The following ZDHHC21 variants were observed in gnomAD, a reference collection of about 807,000 sequenced individuals.
The protein encoded by ZDHHC21 is zDHHC palmitoyltransferase 21.
Under a neutral mutation model 34.6 loss-of-function variants are expected in ZDHHC21, and 15 were observed. The observed-to-expected ratio is 0.43, with a 90% confidence interval of 0.29 to 0.67. The LOEUF (loss-of-function observed/expected upper bound fraction) is 0.67, where lower values mean the gene tolerates loss of function less well. ZDHHC21 is among the 30% of genes least tolerant of loss of function. ZDHHC21 has a pLI of 0.14. For missense variants in ZDHHC21, 344 were observed against 327.7 expected, an observed-to-expected ratio of 1.05 and a Z score of -0.38; for synonymous variants, 142 against 101.8, an observed-to-expected ratio of 1.40 and a Z score of -2.38.
chr9:14,671,210 C>T (rs11793517), intron 5 of ZDHHC21, among the ~76,000 whole-genome samples: 5,108 of 151,998 alleles, frequency 0.034, 125 homozygotes, highest in Non-Finnish European at 0.047. Flanking sequence ...GCTGTGAATG[C>T]TTGAATGAAT....
At chr9:14,627,766 C>T (rs1826550199) in intron 8 of ZDHHC21, among the ~76,000 whole-genome samples, 1 of 152,136 alleles carries the variant, frequency 6.6e-6, no homozygotes, top group Non-Finnish European at 1.5e-5. Context: ...CTCTCCAAGC[C>T]CAGTGACTGA....
chr9:14,607,456 T>C, downstream of ZDHHC21, among the ~76,000 whole-genome samples: 1 of 151,972 alleles, frequency 6.6e-6, no homozygotes, highest in East Asian at 1.9e-4. Flanking sequence ...CATTATATGA[T>C]AGGAATATCA....
chr9:14,605,560 TGTA>T, the ZDHHC21 span, among the ~76,000 whole-genome samples: 17,520 of 152,152 alleles, frequency 0.12, 1,062 homozygotes, highest in Non-Finnish European at 0.14. Context: ...TCTATTAAGT[TGTA>T]GGAGCTCGTT....
Position 14,672,882 on chromosome 9 carries a change from G to A in ZDHHC21, c.201C>T (p.Ala67=), listed in dbSNP as rs550889828. Residue 67 remains alanine (A), a synonymous_variant, in exon 5 of 10, where the codon GCC becomes GCT. Transcript: ENST00000380916. ...SIFCLVALVR[A]SITDPGRLPE... ...GGAGTCTTCCTGGATCAGTTATGGA[G>A]GCCCTCACTAAGGCAACCAGACAGA... 1.8e-4 allele frequency: 288 copies of A among 1,608,160 alleles called. 4 individuals carry two copies. The South Asian group carries it at 3.1e-3, about 17-fold the overall frequency.
intron 7 of ZDHHC21, among the ~76,000 whole-genome samples, chr9:14,644,819 T>C (rs920441993): frequency 2.5e-4 from 35 of 142,740 alleles, no homozygotes; most frequent in African/African-American, 8.5e-4. Flanking sequence ...TACATATGTA[T>C]ACACACACAC....
At chr9:14,601,810 G>C in the ZDHHC21 span, among the ~76,000 whole-genome samples, 3 of 152,292 alleles carry the variant, frequency 2.0e-5, no homozygotes, top group South Asian at 6.2e-4. Flanking sequence ...GGAATACTAT[G>C]CAGCCATTAA....
chr9:14,629,950 G>A (rs1370483903), intron 8 of ZDHHC21, among the ~76,000 whole-genome samples: 2 of 152,160 alleles, frequency 1.3e-5, no homozygotes, highest in Admixed American at 1.3e-4. Context: ...GGAGGCTGAG[G>A]CAGGAGAATC....
chr9:14,679,939 C>A (rs1390503851), intron 3 of ZDHHC21, 94 bp downstream of exon 3: 1 of 152,442 alleles, frequency 6.6e-6, no homozygotes, highest in Non-Finnish European at 1.5e-5. Flanking sequence ...CATTTGCTAA[C>A]TGACAATTAA....
At chr9:14,681,745 G>C (rs1352521982) in intron 2 of ZDHHC21, among the ~76,000 whole-genome samples, 1 of 151,688 alleles carries the variant, frequency 6.6e-6, no homozygotes, top group African/African-American at 2.4e-5. Flanking sequence ...GTGTGTGTGT[G>C]TGTGTGTGTG....
the ZDHHC21 span, among the ~76,000 whole-genome samples, chr9:14,598,590 T>C: frequency 6.6e-6 from 1 of 151,668 alleles, no homozygotes. Context: ...TGATTCTCCA[T>C]CAAAAGATTC....
At position 14,617,896 on chromosome 9, in the gene ZDHHC21, G is replaced by T. The variant is rs536558445; in HGVS notation, c.*1070C>A. On this transcript the variant is annotated 3_prime_UTR_variant, in exon 10 of 10. Transcript: ENST00000380916. ...GGGATTATAGGTACACAAAGTTAGT[G>T]ACTTTTTTTAGTAGTAGCTTCCTAT... The T allele has an allele frequency of 2.0e-5, 3 of 151,986 alleles. No individual in the cohort carries two copies. Among genetic ancestry groups the T allele is most frequent in the African/African-American group, 4.8e-5 (2 of 41,516 alleles). 9.4% of individuals were successfully genotyped at this position (151,986 alleles called of 1,614,324 possible). A position where few individuals can be genotyped will look rare whatever the true frequency, so the allele number is the denominator to read the frequency against.
rs569679010 is a variant in ZDHHC21, at chr9:14,620,827, C to T, written c.622-1145G>A. Among the ~76,000 whole-genome samples, 6 of 152,140 alleles carry T rather than the reference C, an allele frequency of 3.9e-5. No homozygotes were observed. In the East Asian group the frequency reaches 9.6e-4, roughly 24 times the overall value. ...AACCAACAACATAGTTTCATTTACACATTTTCCAGGAATTTTTAAAAAGTT... is the reference window on the plus strand; with the variant it reads ...AACCAACAACATAGTTTCATTTACATATTTTCCAGGAATTTTTAAAAAGTT... On this transcript the variant is annotated intron_variant, in intron 8 of 9. Coordinates refer to ENST00000380916, the MANE Select transcript of ZDHHC21 (RefSeq NM_178566.6).
chr9:14,600,683 G>A, the ZDHHC21 span, among the ~76,000 whole-genome samples: 131 of 152,208 alleles, frequency 8.6e-4, no homozygotes, highest in Non-Finnish European at 1.1e-3. Flanking sequence ...AAAAGAGCTG[G>A]TATAGTCAAG....
At chr9:14,654,472 G>A (rs1456877260) in intron 7 of ZDHHC21, among the ~76,000 whole-genome samples, 1 of 151,912 alleles carries the variant, frequency 6.6e-6, no homozygotes, top group Non-Finnish European at 1.5e-5. Flanking sequence ...AAAATGCTCA[G>A]TATTCTAACT....
intron 7 of ZDHHC21, among the ~76,000 whole-genome samples, chr9:14,653,865 C>G (rs1027921145): frequency 1.3e-5 from 2 of 151,878 alleles, no homozygotes; most frequent in African/African-American, 2.4e-5. Flanking sequence ...AACACTCACA[C>G]CAAAAACACT....
At chr9:14,654,425 G>A (rs1186103385) in intron 7 of ZDHHC21, among the ~76,000 whole-genome samples, 2 of 151,842 alleles carry the variant, frequency 1.3e-5, no homozygotes, top group African/African-American at 4.8e-5. Context: ...CAAATCTGAG[G>A]AAAGAACACA....
At chr9:14,672,321 A>AT (rs59724695) in intron 5 of ZDHHC21, among the ~76,000 whole-genome samples, 416 of 151,422 alleles carry the variant, frequency 2.7e-3, no homozygotes, top group African/African-American at 8.7e-3. Context: ...AAAATTTTGT[A>AT]TTTTTTTTTA....
intron 8 of ZDHHC21, chr9:14,622,400 C>A (rs1825460719): frequency 7.2e-6 from 2 of 276,468 alleles, no homozygotes; most frequent in South Asian, 1.4e-4. Flanking sequence ...TAAAATTATA[C>A]CTGGAATGGG....
intron 7 of ZDHHC21, among the ~76,000 whole-genome samples, chr9:14,657,654 T>G (rs1393923031): frequency 3.3e-5 from 5 of 151,854 alleles, no homozygotes; most frequent in African/African-American, 1.2e-4. Context: ...CCAGTAAAAC[T>G]TTTTTTTAAC....
Sources: allele counts gnomAD v4.1 joint callset (sites outside exome capture counted in the v4.1 genomes callset), GRCh38; gene constraint gnomAD v4.1.1; transcripts MANE v1.5; gene names NCBI Gene and HGNC (gene_info 2026-07-23, HGNC 2026-07-21).